Variants in DPP10 observed in about 807,000 individuals in gnomAD.
DPP10 encodes the protein dipeptidyl peptidase like 10.
DPP10 carries 33 observed loss-of-function variants against 120.9 expected under a neutral mutation model. The ratio of observed to expected loss-of-function variants is 0.27; its 90% CI spans 0.21 to 0.37. The LOEUF (loss-of-function observed/expected upper bound fraction) is 0.37. Among genes scored for constraint, DPP10 ranks in the 10% least tolerant of loss-of-function variants. The probability of loss-of-function intolerance (pLI) is 1.00; values close to 1 mark genes in which losing one functional copy is unlikely to be tolerated. For missense variants in DPP10, 816 were observed against 942.8 expected (o/e 0.87, Z 1.76); for synonymous variants, 337 against 326.1 (o/e 1.03, Z -0.36).
chr2:115,477,301 A>C (rs796100338), intron 3 of DPP10, among the ~76,000 whole-genome samples: 19 of 152,314 alleles, frequency 1.2e-4, no homozygotes, highest in African/African-American at 4.6e-4. Context: ...AATTAAAAAC[A>C]ATAAGCAAAG....
intron 5 of DPP10, among the ~76,000 whole-genome samples, chr2:115,612,725 G>A (rs2084202634): frequency 6.6e-6 from 1 of 152,106 alleles, no homozygotes; most frequent in Admixed American, 6.5e-5. Context: ...TCTGTGAAAT[G>A]AGACTAATAA....
chr2:114,583,891 T>G (rs1690735498), intron 1 of DPP10, among the ~76,000 whole-genome samples: 1 of 152,204 alleles, frequency 6.6e-6, no homozygotes, highest in South Asian at 2.1e-4. Flanking sequence ...AATCCTTGCT[T>G]AATATAATGC....
At chr2:115,048,830 A>G (rs1229452350) in intron 1 of DPP10, among the ~76,000 whole-genome samples, 1 of 152,072 alleles carries the variant, frequency 6.6e-6, no homozygotes, top group Non-Finnish European at 1.5e-5. Context: ...GAAATATTTT[A>G]TGTTCTCCAA....
At chr2:115,452,192 GC>G (rs1488411678) in intron 3 of DPP10, among the ~76,000 whole-genome samples, 1 of 151,840 alleles carries the variant, frequency 6.6e-6, no homozygotes, top group Non-Finnish European at 1.5e-5. Context: ...GAATTGACAT[GC>G]CTATGAGACT....
intron 3 of DPP10, among the ~76,000 whole-genome samples, chr2:115,428,878 C>A (rs1174645987): frequency 6.6e-6 from 1 of 152,134 alleles, no homozygotes; most frequent in African/African-American, 2.4e-5. Context: ...TTTTTATTGG[C>A]TGAATCGGAC....
At chr2:115,601,384 A>G (rs1168993255) in intron 5 of DPP10, among the ~76,000 whole-genome samples, 1 of 152,216 alleles carries the variant, frequency 6.6e-6, no homozygotes, top group East Asian at 1.9e-4. Context: ...ACAGCACAAC[A>G]CAAACACCAG....
At chr2:114,742,227 C>A (rs570049074) in intron 1 of DPP10, among the ~76,000 whole-genome samples, 33 of 151,824 alleles carry the variant, frequency 2.2e-4, no homozygotes, top group Non-Finnish European at 3.5e-4. Flanking sequence ...TTTATACCTC[C>A]AGTACAGGAA....
intron 3 of DPP10, among the ~76,000 whole-genome samples, chr2:115,489,750 A>G (rs1584400): frequency 0.28 from 42,305 of 151,850 alleles, 6,613 homozygotes; most frequent in East Asian, 0.41. Context: ...GCCCCACAAA[A>G]CCATCTTTTG....
chr2:114,818,649 G>A (rs1467553974), intron 1 of DPP10, among the ~76,000 whole-genome samples: 2 of 152,000 alleles, frequency 1.3e-5, no homozygotes, highest in South Asian at 2.1e-4. Flanking sequence ...TTAAAGAGAA[G>A]TTTCAAGGAA....
At chr2:115,461,400 A>G (rs114137651) in intron 3 of DPP10, among the ~76,000 whole-genome samples, 1,602 of 152,288 alleles carry the variant, frequency 0.011, 36 homozygotes, top group African/African-American at 0.037. Flanking sequence ...GATGTTGGTC[A>G]AAAGGTGCAG....
chr2:115,790,647 T>TA (rs1683866769), intron 17 of DPP10, among the ~76,000 whole-genome samples: 1 of 152,232 alleles, frequency 6.6e-6, no homozygotes, highest in South Asian at 2.1e-4. Context: ...CTGCAGTTTT[T>TA]ATTTTTAGAA....
intron 1 of DPP10, among the ~76,000 whole-genome samples, chr2:114,716,824 G>T (rs1414122095): frequency 6.6e-6 from 1 of 152,160 alleles, no homozygotes; most frequent in Non-Finnish European, 1.5e-5. Context: ...AGAAGTGTAA[G>T]GATCCACTAT....
At chr2:115,757,078 G>A (rs935468572) in intron 11 of DPP10, among the ~76,000 whole-genome samples, 1 of 148,950 alleles carries the variant, frequency 6.7e-6, no homozygotes, top group Non-Finnish European at 1.5e-5. Flanking sequence ...ACATGATTCC[G>A]GAGTGGGGAG....
intron 1 of DPP10, among the ~76,000 whole-genome samples, chr2:114,877,832 A>G (rs1334294331): frequency 6.6e-6 from 1 of 151,992 alleles, no homozygotes; most frequent in Non-Finnish European, 1.5e-5. Flanking sequence ...TCTGCACACC[A>G]TATGATGTTT....
chr2:114,708,752 T>G (rs1700839239), intron 1 of DPP10, among the ~76,000 whole-genome samples: 1 of 152,064 alleles, frequency 6.6e-6, no homozygotes, highest in African/African-American at 2.4e-5. Context: ...TTTGTTTTTG[T>G]TTTTTGTTTT....
At chr2:114,970,919 C>G (rs1699349569) in intron 1 of DPP10, among the ~76,000 whole-genome samples, 1 of 152,156 alleles carries the variant, frequency 6.6e-6, no homozygotes, top group Non-Finnish European at 1.5e-5. Flanking sequence ...TTCCATCTAA[C>G]TAACTTCCAG....
intron 5 of DPP10, among the ~76,000 whole-genome samples, chr2:115,680,786 A>G (rs1223318064): frequency 6.6e-6 from 1 of 151,968 alleles, no homozygotes; most frequent in African/African-American, 2.4e-5. Flanking sequence ...ATAGGGTAAA[A>G]TGTTTACTAC....
intron 3 of DPP10, among the ~76,000 whole-genome samples, chr2:115,385,936 A>G (rs572059779): frequency 6.6e-6 from 1 of 152,336 alleles, no homozygotes; most frequent in East Asian, 1.9e-4. Context: ...CCGAAAGACA[A>G]GCAAATGGAC....
At chr2:115,300,646 T>G (rs1397936203) in intron 1 of DPP10, among the ~76,000 whole-genome samples, 1 of 152,068 alleles carries the variant, frequency 6.6e-6, no homozygotes, top group Non-Finnish European at 1.5e-5. Context: ...TGTTTTACTG[T>G]TTTGTTAGAT....
Sources: allele counts gnomAD v4.1 joint callset (sites outside exome capture counted in the v4.1 genomes callset), GRCh38; gene constraint gnomAD v4.1.1; transcripts MANE v1.5; gene names NCBI Gene and HGNC (gene_info 2026-07-23, HGNC 2026-07-21).